MCF2: variants seen among roughly 807,000 people sequenced by gnomAD.
The protein encoded by MCF2 is MCF.2 cell line derived transforming sequence.
MCF2 carries 44 observed loss-of-function variants against 82.5 expected under a neutral mutation model. That is an observed-to-expected ratio of 0.53 (90% CI 0.42 to 0.69). MCF2 has a LOEUF of 0.69. Ranked by LOEUF, MCF2 falls within the 30% of genes least tolerant of loss-of-function variation. The pLI is 0.00. For synonymous variants in MCF2, 217 were observed against 224.9 expected, an observed-to-expected ratio of 0.96 and a Z score of 0.32; for missense variants, 623 against 663.1, an observed-to-expected ratio of 0.94 and a Z score of 0.66.
chrX:139,602,585 G>T, intron 15 of MCF2, 87 bp from the exon 20 acceptor site: 1 of 623,606 alleles, frequency 1.6e-6, no homozygotes, highest in Non-Finnish European at 2.6e-6. Context: ...GTGTAACCAA[G>T]CATCCTAGGA....
intron 2 of MCF2, 147 bp downstream of exon 5, chrX:139,632,188 C>A: frequency 2.5e-6 from 1 of 402,658 alleles, no homozygotes; most frequent in Non-Finnish European, 4.0e-6. Context: ...AAGTGAAAGA[C>A]TTTTGGGCAT....
At chrX:139,614,042 T>A (rs1265723190) in intron 10 of MCF2, among the ~76,000 whole-genome samples, 2 of 110,597 alleles carry the variant, frequency 1.8e-5, no homozygotes, top group Non-Finnish European at 3.8e-5. Context: ...CTTCTGACTC[T>A]ATTTAGATCA....
intron 16 of MCF2, among the ~76,000 whole-genome samples, chrX:139,599,141 C>T (rs17002170): frequency 0.016 from 1,761 of 108,460 alleles, 32 homozygotes; most frequent in African/African-American, 0.055. Flanking sequence ...TGAATAAGAA[C>T]CATGGCTCTC....
intron 1 of MCF2, among the ~76,000 whole-genome samples, chrX:139,664,320 C>CA (rs58144695): frequency 0.023 from 2,114 of 92,686 alleles, 40 homozygotes; most frequent in African/African-American, 0.072. Flanking sequence ...AAACAAAAAA[C>CA]AAAAAAAAAA....
intron 17 of MCF2, 22 bp downstream of exon 21, chrX:139,598,384 A>T: frequency 9.7e-7 from 1 of 1,029,901 alleles, no homozygotes; most frequent in Non-Finnish European, 1.4e-6. Context: ...TAAAGAAACA[A>T]ACAAATGCTT....
At chrX:139,651,494 T>C (rs995641896) in intron 2 of MCF2, among the ~76,000 whole-genome samples, 2 of 111,688 alleles carry the variant, frequency 1.8e-5, no homozygotes, top group African/African-American at 3.3e-5. Flanking sequence ...AAGGTCGGTT[T>C]TACTCATATA....
intron 1 of MCF2, among the ~76,000 whole-genome samples, chrX:139,689,212 T>G (rs776050142): frequency 1.2e-4 from 14 of 112,410 alleles, no homozygotes; most frequent in Admixed American, 1.9e-4. Context: ...CTAGTCATTT[T>G]ATCTCCAGTC....
At chrX:139,652,128 T>C (rs750745291) in intron 1 of MCF2, among the ~76,000 whole-genome samples, 26 of 112,235 alleles carry the variant, frequency 2.3e-4, no homozygotes, top group Non-Finnish European at 4.1e-4. Context: ...CTGTAGCAGA[T>C]TGTCTTCTAC....
intron 1 of MCF2, among the ~76,000 whole-genome samples, chrX:139,690,955 G>A (rs960435923): frequency 1.8e-5 from 2 of 111,148 alleles, no homozygotes; most frequent in African/African-American, 6.6e-5. Flanking sequence ...CCATAGGAAC[G>A]CAGCCCCACA....
exon 20 of MCF2, chrX:139,589,920 T>A: frequency 8.7e-7 from 1 of 1,150,779 alleles, no homozygotes; most frequent in Non-Finnish European, 1.2e-6. Flanking sequence ...GATTCCAACT[T>A]CATCCATCTA....
chrX:139,637,665 G>C (rs73634058), intron 1 of MCF2, among the ~76,000 whole-genome samples: 1,179 of 111,789 alleles, frequency 0.011, 17 homozygotes, highest in African/African-American at 0.036. Context: ...ATTGTGCTAA[G>C]TATTTACATG....
intron 1 of MCF2, among the ~76,000 whole-genome samples, chrX:139,653,972 T>C (rs924111464): frequency 2.7e-5 from 3 of 111,350 alleles, no homozygotes; most frequent in African/African-American, 9.8e-5. Flanking sequence ...AATAAGAGGA[T>C]TTCATTCTGT....
rs1036689457 is a variant in MCF2 at position 139,684,375 on chromosome X, G to T, written c.-45+23731C>A. Among the ~76,000 whole-genome samples the T allele has an allele frequency of 8.0e-5, 9 of 112,116 alleles. No individual in the cohort carries two copies. In the East Asian group the frequency reaches 2.5e-3, roughly 31 times the overall value. On this transcript the variant is annotated intron_variant, in intron 1 of 27. Transcript: ENST00000414978. Reference sequence around the variant, plus strand: ...AAATTATAACCCTCATATGTTGATGGTGGGAATGTAAAAGGGTGCAGCTGC... The same window carrying T: ...AAATTATAACCCTCATATGTTGATGTTGGGAATGTAAAAGGGTGCAGCTGC...
chrX:139,676,948 T>A (rs1196191235), intron 1 of MCF2, among the ~76,000 whole-genome samples: 1 of 110,789 alleles, frequency 9.0e-6, no homozygotes, highest in Non-Finnish European at 1.9e-5. Flanking sequence ...CTCTCTAAGA[T>A]AATAATTGGT....
chrX:139,627,705 C>G (rs180971181), intron 4 of MCF2, among the ~76,000 whole-genome samples: 1 of 111,892 alleles, frequency 8.9e-6, no homozygotes. Context: ...AGATCAGTTT[C>G]TTTGCCTCAT....
intron 4 of MCF2, among the ~76,000 whole-genome samples, chrX:139,628,826 T>G (rs1932830018): frequency 9.0e-6 from 1 of 111,407 alleles, no homozygotes. Flanking sequence ...TGAATTGCAC[T>G]TCAGAATCCT....
At chrX:139,618,322 T>C in intron 7 of MCF2, among the ~76,000 whole-genome samples, 1 of 110,918 alleles carries the variant, frequency 9.0e-6, no homozygotes. Flanking sequence ...CTCTATCTAG[T>C]GGGAAAACCA....
chrX:139,608,078 G>T (rs1931189673), intron 11 of MCF2, among the ~76,000 whole-genome samples: 1 of 111,619 alleles, frequency 9.0e-6, no homozygotes, highest in South Asian at 3.7e-4. Flanking sequence ...GATAACTAAA[G>T]GGTATTCATT....
In MCF2 at chrX:139,593,742, C is replaced by T. The variant is rs780152375; in HGVS notation, c.2277+2807G>A. Among the ~76,000 whole-genome samples the T allele has an allele frequency of 3.9e-3, 436 of 111,080 alleles. 4 individuals are homozygous for T. Among genetic ancestry groups the T allele is most frequent in the African/African-American group, 0.013 (398 of 30,550 alleles). ...CAAGGCTGGTTCAATATACGCAAATCGATAAATGTAATCCAGCATATAAAC... is the reference window on the plus strand; with the variant it reads ...CAAGGCTGGTTCAATATACGCAAATTGATAAATGTAATCCAGCATATAAAC... On this transcript the variant is annotated intron_variant, in intron 19 of 24. Coordinates refer to ENST00000370576, the Ensembl canonical transcript of MCF2.
Sources: gnomAD v4.1 joint callset for allele counts (sites outside exome capture counted in the v4.1 genomes callset) on GRCh38, gnomAD v4.1.1 for gene constraint, MANE v1.5 for transcripts, NCBI Gene and HGNC (gene_info 2026-07-23, HGNC 2026-07-21) for gene names.